XPR1: variants seen among roughly 807,000 people sequenced by gnomAD.
XPR1 encodes the protein xenotropic and polytropic retrovirus receptor 1.
A neutral mutation model predicts 87.5 loss-of-function variants in XPR1; 28 were observed. The ratio of observed to expected loss-of-function variants is 0.32; its 90% CI spans 0.24 to 0.44. The LOEUF (loss-of-function observed/expected upper bound fraction) is 0.44. Ranked by LOEUF, XPR1 falls within the 20% of genes least tolerant of loss-of-function variation. XPR1 has a pLI of 1.00. For synonymous variants in XPR1, 300 were observed against 306.1 expected (o/e 0.98, Z 0.21); for missense variants, 559 against 862.3 (o/e 0.65, Z 4.41).
chr1:180,810,212 C>T (rs1023292496), intron 6 of XPR1, among the ~76,000 whole-genome samples: 1 of 152,030 alleles, frequency 6.6e-6, no homozygotes, highest in Non-Finnish European at 1.5e-5. Flanking sequence ...TATTTTTGAG[C>T]CTACATACAC....
chr1:180,883,836 G>T (rs185975013), intron 14 of XPR1, among the ~76,000 whole-genome samples, 170 bp from the exon 15 acceptor site: 183 of 151,982 alleles, frequency 1.2e-3, no homozygotes, highest in Middle Eastern at 0.01. Flanking sequence ...TTTTCCAATA[G>T]TATCTGAAAT....
At chr1:180,656,456 T>TTATATATAATATATAAATA (rs1557941450) in intron 1 of XPR1, among the ~76,000 whole-genome samples, 1 of 3,336 alleles carries the variant, frequency 3.0e-4, no homozygotes, top group African/African-American at 7.4e-4. Context: ...TATTTATATA[T>TTATATATAATATATAAATA]TTATATATAA....
At chr1:180,679,194 C>T (rs1215824281) in intron 1 of XPR1, among the ~76,000 whole-genome samples, 1 of 150,800 alleles carries the variant, frequency 6.6e-6, no homozygotes, top group African/African-American at 2.4e-5. Context: ...GACTCCATCT[C>T]AAAAAACAAA....
Position 180,684,563 on chromosome 1 carries a change from G to A in XPR1, c.121+2152G>A, listed in dbSNP as rs917347575. 2.6e-4 allele frequency among the ~76,000 whole-genome samples: 40 copies of A among 152,022 alleles called. 1 individual carries two copies. Among genetic ancestry groups the A allele is most frequent in the Non-Finnish European group, 4.9e-4 (33 of 67,998 alleles). The stretch of plus-strand genomic sequence containing the variant: ...GCTTGATGGGGATGGCATTGAATCT[G>A]TAAATTACCTTGGGCAGTATGGCCA... On this transcript the variant is annotated intron_variant, in intron 2 of 14. Transcript: ENST00000367590.
At chr1:180,865,651 C>T (rs748452979) in intron 12 of XPR1, among the ~76,000 whole-genome samples, 12 of 152,100 alleles carry the variant, frequency 7.9e-5, no homozygotes, top group East Asian at 1.9e-4. Context: ...CCGCCTGCCT[C>T]GGCCTCCCAA....
intron 1 of XPR1, among the ~76,000 whole-genome samples, chr1:180,654,253 T>C (rs1018729261): frequency 1.3e-5 from 2 of 152,020 alleles, no homozygotes; most frequent in African/African-American, 4.8e-5. Context: ...CCCATCACTC[T>C]ACTAAAACTA....
At chr1:180,786,818 G>A (rs1412852496) in intron 2 of XPR1, among the ~76,000 whole-genome samples, 1 of 152,096 alleles carries the variant, frequency 6.6e-6, no homozygotes, top group Non-Finnish European at 1.5e-5. Flanking sequence ...TTCTCCTGAA[G>A]GTGTCACTTT....
At position 180,787,445 on chromosome 1, in the gene XPR1, A is replaced by G. The variant is rs142737984; in HGVS notation, c.122-308A>G. On this transcript the variant is annotated intron_variant, in intron 2 of 14. Transcript: ENST00000367590. Reference sequence around the variant, plus strand: ...CAGGCACCCACCACCACACCCAGCTAATTTTTATATTTTTAGTAGAGACGT... The same window carrying G: ...CAGGCACCCACCACCACACCCAGCTGATTTTTATATTTTTAGTAGAGACGT... 2.9e-3 allele frequency among the ~76,000 whole-genome samples: 442 copies of G among 152,062 alleles called. 3 individuals are homozygous for G. The highest frequency in any genetic ancestry group is 9.6e-3 in the African/African-American group (400 of 41,496).
chr1:180,879,897 T>G (rs982890380), intron 13 of XPR1, among the ~76,000 whole-genome samples, 179 bp from the exon 14 acceptor site: 2 of 152,078 alleles, frequency 1.3e-5, no homozygotes, highest in African/African-American at 4.8e-5. Flanking sequence ...TCTAGTCTTG[T>G]TTCCCTTACC....
rs112746029 is a variant in XPR1 at position 180,798,759 on chromosome 1, G to A, written c.224-4629G>A. ...CTTCTGAGCACCTGGAATCACAGGC[G>A]TGCAGCACCACACCCTGCTAATTTT... On this transcript the variant is annotated intron_variant, in intron 3 of 14. Transcript: ENST00000367590. Among the ~76,000 whole-genome samples, 257 of 152,150 alleles carry A rather than the reference G, an allele frequency of 1.7e-3. 1 individual carries two copies. The highest frequency in any genetic ancestry group is 5.8e-3 in the African/African-American group (241 of 41,524).
rs770039241 is a variant in XPR1, at chr1:180,840,159, C to T, written c.1501+3443C>T. ...AATGGCGTGAACCCGGGAAGCGGAGCTTGCAGTGAGCCGAGATTGCGCCAC... is the reference window on the plus strand; with the variant it reads ...AATGGCGTGAACCCGGGAAGCGGAGTTTGCAGTGAGCCGAGATTGCGCCAC... On this transcript the variant is annotated intron_variant, in intron 11 of 14. Transcript: ENST00000367590. 5.6e-4 allele frequency among the ~76,000 whole-genome samples: 81 copies of T among 144,186 alleles called. 1 individual carries two copies. The Middle Eastern group carries it at 0.016, about 29-fold the overall frequency. The allele number at this position is 144,186 out of a possible 152,430, so 94.6% of individuals were successfully genotyped here.
intron 2 of XPR1, among the ~76,000 whole-genome samples, chr1:180,768,530 A>G (rs1335362232): frequency 6.6e-6 from 1 of 152,260 alleles, no homozygotes; most frequent in Non-Finnish European, 1.5e-5. Flanking sequence ...AGGATTTTGT[A>G]CAATGAAATG....
At chr1:180,670,253 A>C (rs1459483793) in intron 1 of XPR1, among the ~76,000 whole-genome samples, 2 of 152,102 alleles carry the variant, frequency 1.3e-5, no homozygotes. Flanking sequence ...TACAAGGTGT[A>C]ATTATGTCAT....
intron 2 of XPR1, among the ~76,000 whole-genome samples, chr1:180,744,365 A>T (rs1344929261): frequency 6.6e-6 from 1 of 151,888 alleles, no homozygotes; most frequent in Non-Finnish European, 1.5e-5. Flanking sequence ...TTTTGATCGT[A>T]TATTTTTGTG....
chr1:180,747,915 TTGTC>T (rs1328723043), intron 2 of XPR1, among the ~76,000 whole-genome samples: 3 of 152,226 alleles, frequency 2.0e-5, no homozygotes, highest in Admixed American at 6.5e-5. Context: ...TTTAAAGTGA[TTGTC>T]TGTTCTTTGA....
At chr1:180,687,435 C>G (rs995437308) in intron 2 of XPR1, among the ~76,000 whole-genome samples, 3 of 152,130 alleles carry the variant, frequency 2.0e-5, no homozygotes, top group Non-Finnish European at 2.9e-5. Flanking sequence ...GTACTACTTT[C>G]ACAAGAAAAA....
At chr1:180,743,132 ATTGT>A (rs1408145952) in intron 2 of XPR1, among the ~76,000 whole-genome samples, 1 of 151,182 alleles carries the variant, frequency 6.6e-6, no homozygotes, top group Non-Finnish European at 1.5e-5. Context: ...TAATGTAATG[ATTGT>A]TATGTTTGGA....
chr1:180,641,933 A>G (rs1008312980), intron 1 of XPR1, among the ~76,000 whole-genome samples: 4 of 152,186 alleles, frequency 2.6e-5, no homozygotes, highest in African/African-American at 4.8e-5. Context: ...TGTAAGAGTC[A>G]GTAGGGATTT....
At chr1:180,695,989 G>A (rs538435256) in intron 2 of XPR1, among the ~76,000 whole-genome samples, 3 of 151,662 alleles carry the variant, frequency 2.0e-5, no homozygotes, top group African/African-American at 4.8e-5. Context: ...ATTTTGATAG[G>A]GATTGTATTG....
Sources: gnomAD v4.1 joint callset for allele counts (sites outside exome capture counted in the v4.1 genomes callset) on GRCh38, gnomAD v4.1.1 for gene constraint, MANE v1.5 for transcripts, NCBI Gene and HGNC (gene_info 2026-07-23, HGNC 2026-07-21) for gene names.